Variants in AKAP13 observed in about 807,000 individuals in gnomAD.
The protein encoded by AKAP13 is A-kinase anchor protein 13.
In AKAP13, 80 loss-of-function variants were observed where a neutral mutation model predicts 264.5. The ratio of observed to expected loss-of-function variants is 0.30; its 90% CI spans 0.25 to 0.36. AKAP13 has a LOEUF of 0.36. AKAP13 is among the 10% of genes least tolerant of loss of function. The probability of loss-of-function intolerance (pLI) is 1.00; values close to 1 mark genes in which losing one functional copy is unlikely to be tolerated. For synonymous variants in AKAP13, 1,380 were observed against 1,250.2 expected (o/e 1.10, Z -2.19); for missense variants, 3,712 against 3,435.2 (o/e 1.08, Z -2.01).
chr15:85,601,683 C>T lies in AKAP13; in HGVS notation c.4161+15860C>T, dbSNP rs991147714. Among the ~76,000 whole-genome samples, 13 of 136,462 alleles carry T rather than the reference C, an allele frequency of 9.5e-5. No individual in the cohort carries two copies. In the Admixed American group the frequency reaches 9.9e-4, roughly 10 times the overall value. The allele number at this position is 136,462 out of a possible 152,430, so 89.5% of individuals were successfully genotyped here. On this transcript the variant is annotated intron_variant, in intron 8 of 36. Coordinates refer to ENST00000394518, the MANE Select transcript of AKAP13 (RefSeq NM_007200.5). ...CAGCTATTCTTGTATTCCTTATAAC[C>T]CATCAGTTCTCAAACTCTTTGGTCT...
chr15:85,546,736 C>CTT (rs575680934), intron 5 of AKAP13, among the ~76,000 whole-genome samples: 13 of 141,100 alleles, frequency 9.2e-5, no homozygotes, highest in South Asian at 2.3e-4. Context: ...TGCTATCTTT[C>CTT]TTTTTTTTTT....
chr15:85,407,007 A>G (rs548070720), intron 1 of AKAP13, among the ~76,000 whole-genome samples: 1 of 151,842 alleles, frequency 6.6e-6, no homozygotes, highest in Admixed American at 6.5e-5. Context: ...TACTTACAAA[A>G]CAGAAATAAT....
rs754859454 is a variant in AKAP13, at chr15:85,543,957, T to C, written c.662+2T>C. The C allele has an allele frequency of 1.9e-5, 31 of 1,611,282 alleles. No individual in the cohort carries two copies. The highest frequency in any genetic ancestry group is 2.3e-5 in the Non-Finnish European group (27 of 1,177,792). On this transcript the variant is annotated splice_donor_variant, in intron 5 of 36. Coordinates refer to ENST00000394518, the MANE Select transcript of AKAP13 (RefSeq NM_007200.5). LOFTEE classifies it high-confidence loss of function. ...CAAGCTGCACCAGCTTCTAACCGAGTAAGTGCTCCTTCTGCCTTATTTCCC... is the reference window on the plus strand; with the variant it reads ...CAAGCTGCACCAGCTTCTAACCGAGCAAGTGCTCCTTCTGCCTTATTTCCC...
chr15:85,640,478 T>C (rs1191608244), intron 9 of AKAP13, among the ~76,000 whole-genome samples: 1 of 152,216 alleles, frequency 6.6e-6, no homozygotes, highest in African/African-American at 2.4e-5. Context: ...CTACTGATTG[T>C]CAACTCTCTA....
At position 85,718,303 on chromosome 15, in the gene AKAP13, A is replaced by T; in HGVS notation, c.6001+144A>T. The T allele has an allele frequency of 1.0e-6, 1 of 961,550 alleles. No homozygotes were observed. Among genetic ancestry groups the T allele is most frequent in the South Asian group, 1.7e-5 (1 of 58,440 alleles). The allele number at this position is 961,550 out of a possible 1,614,324, so 59.6% of individuals were successfully genotyped here. ...CCTTTAAAAACTTTAAGGTACAGAG[A>T]CGTGGTCCTGTTGGTATCCTATCTC... On this transcript the variant is annotated intron_variant, in intron 22 of 36. Transcript: ENST00000394518. The surrounding 1 kb of genome is among the most constrained non-coding windows in gnomAD (Gnocchi z 4.9).
rs1179469298 is a variant in AKAP13 at position 85,599,026 on chromosome 15, G to T, written c.4161+13203G>T. Among the ~76,000 whole-genome samples the T allele has an allele frequency of 2.0e-5, 3 of 152,182 alleles. No individual in the cohort carries two copies. In the South Asian group the frequency reaches 6.2e-4, roughly 31 times the overall value. ...CACAATAGGCTATGTTCCTTCCCAG[G>T]AGTCATTAGGTTTCCCTAATGGGAT... On this transcript the variant is annotated intron_variant, in intron 8 of 36. Coordinates refer to ENST00000394518, the MANE Select transcript of AKAP13 (RefSeq NM_007200.5).
intron 10 of AKAP13, 87 bp downstream of exon 10, chr15:85,646,041 CCT>C: frequency 6.6e-7 from 1 of 1,513,112 alleles, no homozygotes; most frequent in East Asian, 2.3e-5. Context: ...ACTTTTTCCC[CCT>C]CTTGTGCTCT....
intron 14 of AKAP13, among the ~76,000 whole-genome samples, chr15:85,673,430 A>G (rs866572158): frequency 6.6e-6 from 1 of 152,056 alleles, no homozygotes; most frequent in Non-Finnish European, 1.5e-5. Flanking sequence ...GGGTCGCAGT[A>G]GCACAGGTGC....
intron 1 of AKAP13, among the ~76,000 whole-genome samples, chr15:85,392,565 G>A (rs952668393): frequency 6.6e-6 from 1 of 152,098 alleles, no homozygotes; most frequent in Non-Finnish European, 1.5e-5. Flanking sequence ...TCAGTTAAGA[G>A]TATTTTCTTT....
chr15:85,564,690 C>T (rs564048596), intron 5 of AKAP13, among the ~76,000 whole-genome samples: 1 of 152,278 alleles, frequency 6.6e-6, no homozygotes, highest in South Asian at 2.1e-4. Context: ...AGAATTACTT[C>T]CTTAGATTAT....
Position 85,727,439 on chromosome 15 carries a change from G to T in AKAP13, c.7063G>T (p.Asp2355Tyr). 2 of 1,614,170 alleles carry T rather than the reference G, an allele frequency of 1.2e-6. No individual in the cohort carries two copies. Among genetic ancestry groups the T allele is most frequent in the South Asian group, 2.2e-5 (2 of 91,070 alleles). The change falls in exon 29 of 37, where the codon GAC becomes TAC. Residue 2355 changes from aspartate (D) to tyrosine (Y), a missense_variant. Coordinates refer to ENST00000394518, the MANE Select transcript of AKAP13 (RefSeq NM_007200.5). This position sits in a 1 kb window ranked among gnomAD's most constrained non-coding sequence, Gnocchi z 5.3. ...SENEEEKKML[D>Y]TRARELKEQL... Reference sequence around the variant, plus strand: ...GAATGAGGAAGAAAAGAAAATGTTGGACACCAGAGCCCGAGAATTAAAAGG... The same window carrying T: ...GAATGAGGAAGAAAAGAAAATGTTGTACACCAGAGCCCGAGAATTAAAAGG...
intron 1 of AKAP13, among the ~76,000 whole-genome samples, chr15:85,459,081 C>T (rs1216457748): frequency 6.6e-6 from 1 of 152,240 alleles, no homozygotes; most frequent in Non-Finnish European, 1.5e-5. Context: ...ATCCCTATAT[C>T]CATCTTTCTG....
Position 85,581,487 on chromosome 15 carries a change from C to T in AKAP13, c.3419C>T (p.Ala1140Val), listed in dbSNP as rs148368566. 3.8e-5 allele frequency: 62 copies of T among 1,614,196 alleles called. No individual in the cohort carries two copies. Among genetic ancestry groups the T allele is most frequent in the Non-Finnish European group, 5.2e-5 (61 of 1,180,030 alleles). The change falls in exon 7 of 37, where the codon GCT becomes GTT. Residue 1140 changes from alanine to valine, a missense_variant. Physicochemically the swap from Ala to Val is moderately conservative, Grantham distance 64. Around this residue, in one of 3 missense-constraint regions of AKAP13, gnomAD observed 2,759 missense variants for 2,411.7 expected, o/e 1.14. Transcript: ENST00000394518. ...LGLPVALQDK[A>V]VTDPQGVGTP... ...TTGCCAGTGGCTCTACAGGACAAAG[C>T]TGTGACTGACCCACAGGGAGTTGGA...
intron 1 of AKAP13, among the ~76,000 whole-genome samples, chr15:85,484,463 G>T (rs1485471596): frequency 6.6e-6 from 1 of 152,226 alleles, no homozygotes; most frequent in African/African-American, 2.4e-5. Flanking sequence ...GAATGAATGG[G>T]CATGGGCATG....
rs376314368 is a variant in AKAP13 at position 85,585,462 on chromosome 15, A to G, written c.4040-240A>G. Among the ~76,000 whole-genome samples, 27 of 152,354 alleles carry G rather than the reference A, an allele frequency of 1.8e-4. No homozygotes were observed. The East Asian group carries it at 4.6e-3, about 26-fold the overall frequency. ...GAAATGGATGTTCAAAAGACATTGA[A>G]TTGGATCCTCGCTTAGTTCCAAGCG... On this transcript the variant is annotated intron_variant, in intron 7 of 36. Transcript: ENST00000394518.
intron 1 of AKAP13, among the ~76,000 whole-genome samples, chr15:85,425,470 C>G (rs1567050094): frequency 1.3e-5 from 2 of 152,126 alleles, no homozygotes; most frequent in Non-Finnish European, 2.9e-5. Flanking sequence ...AATCCCAGCA[C>G]TTTGGGAGGC....
chr15:85,740,871 A>G (rs990387641), intron 34 of AKAP13, among the ~76,000 whole-genome samples, 175 bp from the exon 35 acceptor site: 3 of 148,284 alleles, frequency 2.0e-5, no homozygotes, highest in Admixed American at 1.4e-4. Context: ...AGGTTCTTGT[A>G]TGATAAACAG....
intron 2 of AKAP13, among the ~76,000 whole-genome samples, chr15:85,489,079 T>C (rs2075653817): frequency 6.6e-6 from 1 of 152,222 alleles, no homozygotes; most frequent in African/African-American, 2.4e-5. Flanking sequence ...TAATATATGC[T>C]TCAACCTCTC....
At position 85,723,200 on chromosome 15, in the gene AKAP13, G is replaced by T; in HGVS notation, c.6625G>T (p.Asp2209Tyr). 1 of 1,614,214 alleles carries T rather than the reference G, an allele frequency of 6.2e-7. No homozygotes were observed. The highest frequency in any genetic ancestry group is 8.5e-7 in the Non-Finnish European group (1 of 1,180,028). Residue 2209 changes from aspartate to tyrosine, a missense_variant, in exon 26 of 37, where the codon GAT becomes TAT. This residue lies in a region of AKAP13 where 342 missense variants were observed against 484.3 expected (regional missense o/e 0.71). Transcript: ENST00000394518. ...TCTCAATGAGATTTATACAAAGACA[G>T]ATAGCAAGTCAATCATGAGGATGAA... Reference protein sequence around the residue: ...VRLNEIYTKTDSKSIMRMKSG... With the variant: ...VRLNEIYTKTYSKSIMRMKSG...
Sources: gnomAD v4.1 joint callset for allele counts (sites outside exome capture counted in the v4.1 genomes callset) on GRCh38, gnomAD v4.1.1 for gene constraint, gnomAD v4.1.1 regional missense constraint, Gnocchi (gnomAD v3.1) non-coding constraint, MANE v1.5 for transcripts, NCBI Gene and HGNC (gene_info 2026-07-23, HGNC 2026-07-21) for gene names.